Variants in AHI1 observed in about 807,000 individuals in gnomAD.
AHI1 encodes the protein jouberin.
AHI1 carries 123 observed loss-of-function variants against 149.3 expected under a neutral mutation model. The observed-to-expected ratio is 0.82, with a 90% CI of 0.71 to 0.96. AHI1 has a LOEUF of 0.96. Ranked by LOEUF, AHI1 falls within the 40% of genes least tolerant of loss-of-function variation. AHI1 has a pLI of 0.00. For synonymous variants in AHI1, 475 were observed against 459.8 expected (o/e 1.03, Z -0.42); for missense variants, 1,439 against 1,422.7 (o/e 1.01, Z -0.18).
At chr6:135,429,336 C>CT (rs1784335137) in intron 18 of AHI1, among the ~76,000 whole-genome samples, 1 of 151,694 alleles carries the variant, frequency 6.6e-6, no homozygotes, top group South Asian at 2.1e-4. Context: ...ATTATCATCT[C>CT]TAACATCAAA....
At position 135,492,248 on chromosome 6, in the gene AHI1, T is replaced by A. The variant is rs764674901; in HGVS notation, c.-11A>T. On this transcript the variant is annotated 5_prime_UTR_variant, in exon 4 of 29. It introduces an in-frame stop codon into an upstream open reading frame of the 5' UTR. Coordinates refer to ENST00000265602, the MANE Select transcript of AHI1 (RefSeq NM_001134831.2). ...CTTACCTGTAGGCATCTCTCAGCTT[T>A]ATGCAGAGGACTGAGAATGCAAAGC... The A allele has an allele frequency of 1.3e-6, 2 of 1,537,892 alleles. No individual in the cohort carries two copies. Among genetic ancestry groups the A allele is most frequent in the Admixed American group, 2.0e-5 (1 of 50,646 alleles).
At chr6:135,482,849 C>G (rs1444574290) in intron 5 of AHI1, among the ~76,000 whole-genome samples, 2 of 131,984 alleles carry the variant, frequency 1.5e-5, no homozygotes, top group Admixed American at 8.5e-5. Flanking sequence ...GGGCTTTGCT[C>G]TGGGATACAG....
intron 13 of AHI1, among the ~76,000 whole-genome samples, chr6:135,442,962 A>G (rs1481821785): frequency 6.6e-6 from 1 of 152,192 alleles, no homozygotes; most frequent in African/African-American, 2.4e-5. Context: ...TATGAATAGA[A>G]AAATTTCAAT....
chr6:135,414,907 G>A (rs1782124825), intron 20 of AHI1, among the ~76,000 whole-genome samples: 1 of 151,092 alleles, frequency 6.6e-6, no homozygotes, highest in African/African-American at 2.4e-5. Flanking sequence ...CTGGTGTGCT[G>A]CACCCATTAA....
At chr6:135,424,243 C>G (rs932027224) in intron 20 of AHI1, among the ~76,000 whole-genome samples, 1 of 152,024 alleles carries the variant, frequency 6.6e-6, no homozygotes, top group South Asian at 2.1e-4. Context: ...GCGAGGATAA[C>G]AGCCCCTATG....
At chr6:135,321,129 A>G (rs189163984) in intron 25 of AHI1, among the ~76,000 whole-genome samples, 24 of 152,276 alleles carry the variant, frequency 1.6e-4, no homozygotes, top group Admixed American at 1.5e-3. Context: ...TGGGCATGGT[A>G]GCATGCCCCT....
At position 135,283,633 on chromosome 6, in the gene AHI1, T is replaced by A. The variant is rs1458772078; in HGVS notation, c.*2012A>T. On this transcript the variant is annotated 3_prime_UTR_variant, in exon 29 of 29. Transcript: ENST00000265602. ...TGGATCTATTGCTTGGAGGGCACTG[T>A]CATGATCTCCCCCACCCCATCTCAT... 6.6e-6 allele frequency: 1 copy of A among 152,220 alleles called. No homozygotes were observed. Among genetic ancestry groups the A allele is most frequent in the Non-Finnish European group, 1.5e-5 (1 of 68,050 alleles). The allele number at this position is 152,220 out of a possible 1,614,324, so 9.4% of individuals were successfully genotyped here.
rs778048123 is a variant in AHI1 at position 135,290,664 on chromosome 6, C to T, written c.3486-139G>A. On this transcript the variant is annotated intron_variant, in intron 27 of 28. Transcript: ENST00000265602. Reference sequence around the variant, plus strand: ...TGAGGATATGACAGAGAAAAACATCCGGCAGAACTAATGAGTATACACGGG... The same window carrying T: ...TGAGGATATGACAGAGAAAAACATCTGGCAGAACTAATGAGTATACACGGG... The T allele has an allele frequency of 5.5e-5, 42 of 760,004 alleles. 1 individual carries two copies. Among genetic ancestry groups the T allele is most frequent in the East Asian group, 7.4e-5 (3 of 40,564 alleles). 47.1% of individuals were successfully genotyped at this position (760,004 alleles called of 1,614,324 possible). A position where few individuals can be genotyped will look rare whatever the true frequency, so the allele number is the denominator to read the frequency against.
At chr6:135,302,644 A>C in intron 26 of AHI1, 10 of 1,165,556 alleles carry the variant, frequency 8.6e-6, no homozygotes, top group Non-Finnish European at 1.1e-5. Flanking sequence ...TACAAAGTTT[A>C]CCACTTACTT....
At position 135,466,281 on chromosome 6, in the gene AHI1, C is replaced by T. The variant is rs760858792; in HGVS notation, c.282G>A (p.Thr94=). 11 of 1,613,920 alleles carry T rather than the reference C, an allele frequency of 6.8e-6. No individual in the cohort carries two copies. Among genetic ancestry groups the T allele is most frequent in the East Asian group, 2.2e-5 (1 of 44,884 alleles). ...TCCTCAATTTGTTTTTAGTGACTCT[C>T]GTGCTCTTCTTCAGGTTGTTAGTGT... ...AANTNNLKKS[T]RVTKNKLRNT... The change falls in exon 7 of 29, where the codon ACG becomes ACA. Residue 94 remains threonine, a synonymous_variant. Transcript: ENST00000265602.
intron 20 of AHI1, 26 bp downstream of exon 20, chr6:135,427,141 C>A: frequency 1.2e-6 from 2 of 1,600,170 alleles, no homozygotes; most frequent in Admixed American, 1.7e-5. Flanking sequence ...TCTAAAAATT[C>A]TTTACTTATC....
chr6:135,356,800 G>A (rs1793042379), intron 24 of AHI1, among the ~76,000 whole-genome samples: 3 of 151,880 alleles, frequency 2.0e-5, no homozygotes, highest in Non-Finnish European at 4.4e-5. Context: ...CTCATGTACT[G>A]GTCTTTTCTA....
At chr6:135,396,647 A>G (rs1333544307) in intron 22 of AHI1, among the ~76,000 whole-genome samples, 1 of 151,842 alleles carries the variant, frequency 6.6e-6, no homozygotes, top group Non-Finnish European at 1.5e-5. Flanking sequence ...GGAAAAGAAC[A>G]TATTTATCAC....
chr6:135,482,894 C>CTTTTTTTCTTTTTTTTTTT (rs1793905606), intron 5 of AHI1, among the ~76,000 whole-genome samples: 1 of 55,734 alleles, frequency 1.8e-5, no homozygotes, highest in African/African-American at 9.3e-5. Flanking sequence ...CCATTTAAGG[C>CTTTTTTTCTTTTTTTTTTT]TTTTTTTTTT....
chr6:135,321,922 C>T (rs545055321), intron 25 of AHI1, among the ~76,000 whole-genome samples: 1 of 152,164 alleles, frequency 6.6e-6, no homozygotes, highest in Non-Finnish European at 1.5e-5. Context: ...CCGCCTCAGC[C>T]TCCCAAGTAG....
rs73564133 is a variant in AHI1 at position 135,479,960 on chromosome 6, T to C, written c.135+10663A>G. ...CTCACTCTCTCTCCAGCTCTGGCCA[T>C]GTGAAGACTGTGCCTGCTTCCCATT... On this transcript the variant is annotated intron_variant, in intron 5 of 28. Coordinates refer to ENST00000265602, the MANE Select transcript of AHI1 (RefSeq NM_001134831.2). Among the ~76,000 whole-genome samples, 1,146 of 152,258 alleles carry C rather than the reference T, an allele frequency of 7.5e-3. 14 individuals are homozygous for C. The highest frequency in any genetic ancestry group is 0.026 in the African/African-American group (1,087 of 41,546).
At chr6:135,299,988 T>C (rs1240021917) in intron 27 of AHI1, among the ~76,000 whole-genome samples, 3 of 152,182 alleles carry the variant, frequency 2.0e-5, no homozygotes, top group Non-Finnish European at 4.4e-5. Context: ...TTCTTATAAC[T>C]TTGTAATAAT....
intron 12 of AHI1, 109 bp downstream of exon 12, chr6:135,448,181 A>C: frequency 1.4e-6 from 1 of 692,806 alleles, no homozygotes; most frequent in Non-Finnish European, 2.1e-6. Flanking sequence ...CCAGAAATCT[A>C]TTAAAATTAT....
chr6:135,333,565 A>G (rs1287775545), intron 24 of AHI1, among the ~76,000 whole-genome samples: 1 of 152,242 alleles, frequency 6.6e-6, no homozygotes, highest in Non-Finnish European at 1.5e-5. Context: ...AATTGCACAC[A>G]GTTTATTGCC....
Sources: gnomAD v4.1 joint callset for allele counts (sites outside exome capture counted in the v4.1 genomes callset) on GRCh38, gnomAD v4.1.1 for gene constraint, MANE v1.5 for transcripts, NCBI Gene and HGNC (gene_info 2026-07-23, HGNC 2026-07-21) for gene names.